SPTBN2: variants seen among roughly 807,000 people sequenced by gnomAD.
SPTBN2 encodes spectrin beta, non-erythrocytic 2.
In SPTBN2, 107 loss-of-function variants were observed where a neutral mutation model predicts 284.2. The observed-to-expected ratio is 0.38, with a 90% confidence interval of 0.32 to 0.44. The LOEUF is 0.44. Ranked by LOEUF, SPTBN2 falls within the 20% of genes least tolerant of loss-of-function variation. The pLI is 1.00. For missense variants in SPTBN2, 2,569 were observed against 3,287.1 expected, an observed-to-expected ratio of 0.78 and a Z score of 5.34; for synonymous variants, 1,289 against 1,354.8, an observed-to-expected ratio of 0.95 and a Z score of 1.07.
chr11:66,738,417 T>C (rs1942870576), intron 1 of SPTBN2, among the ~76,000 whole-genome samples: 1 of 152,194 alleles, frequency 6.6e-6, no homozygotes, highest in African/African-American at 2.4e-5. Context: ...TTTGATCCCA[T>C]AGTCTCTTTC....
Position 66,699,472 on chromosome 11 carries a change from T to G in SPTBN2, c.3710A>C (p.Gln1237Pro). 6.2e-7 allele frequency: 1 copy of G among 1,614,168 alleles called. No homozygotes were observed. The highest frequency in any genetic ancestry group is 8.5e-7 in the Non-Finnish European group (1 of 1,180,040). ...RIHGLLEAGR[Q>P]LVSEGNIHAD... ...GTGGATGTTGCCTTCAGATACCAGC[T>G]GGCGGCCAGCCTCCAGGAGCCCGTG... is the stretch of plus-strand genomic sequence containing the variant. The change falls in exon 18 of 38, where the codon CAG becomes CCG. Residue 1237 changes from glutamine (Q) to proline (P), a missense_variant. Transcript: ENST00000533211.
chr11:66,727,064 A>T (rs1942642886), intron 1 of SPTBN2, among the ~76,000 whole-genome samples: 1 of 152,126 alleles, frequency 6.6e-6, no homozygotes, highest in Non-Finnish European at 1.5e-5. Flanking sequence ...GTTATGGCAG[A>T]TTTATTCAAA....
intron 5 of SPTBN2, among the ~76,000 whole-genome samples, chr11:66,714,889 G>GTTCCCA (rs1373848234): frequency 6.6e-6 from 1 of 152,036 alleles, no homozygotes; most frequent in East Asian, 1.9e-4. Context: ...CCCTCTAGAA[G>GTTCCCA]TTCCCAAATC....
chr11:66,722,730 C>A (rs939310237), intron 1 of SPTBN2, among the ~76,000 whole-genome samples: 2 of 151,472 alleles, frequency 1.3e-5, no homozygotes, highest in African/African-American at 4.9e-5. Context: ...TCCATCTCTA[C>A]TAAAAATACA....
In SPTBN2 at chr11:66,710,563, G is replaced by A; in HGVS notation, c.1073+19C>T. Reference sequence around the variant, plus strand: ...TGGGAGCACAGCTCAGGGAAGGGTGGGGCCCCAGGGACACCTACTTGGGCG... The same window carrying A: ...TGGGAGCACAGCTCAGGGAAGGGTGAGGCCCCAGGGACACCTACTTGGGCG... On this transcript the variant is annotated intron_variant, in intron 10 of 37. Transcript: ENST00000533211. This position sits in a 1 kb window ranked among gnomAD's most constrained non-coding sequence, Gnocchi z 4.9. The A allele has an allele frequency of 1.9e-6, 3 of 1,611,360 alleles. No individual in the cohort carries two copies. The highest frequency in any genetic ancestry group is 1.1e-5 in the South Asian group (1 of 90,552).
rs1368184135 is a variant in SPTBN2, at chr11:66,704,977, G to A, written c.2299C>T (p.Leu767=). 1 of 1,607,872 alleles carries A rather than the reference G, an allele frequency of 6.2e-7. No homozygotes were observed. Among genetic ancestry groups the A allele is most frequent in the East Asian group, 2.2e-5 (1 of 44,882 alleles). ...NDMEAWLVDA[L]RLVSSPELGH... ...AGCTCGGGGCTGGACACCAGGCGCA[G>A]TGCGTCAACCAACCAGGCCTCCATG... Residue 767 remains leucine (L), a synonymous_variant, in exon 15 of 38, where the codon CTG becomes TTG. Coordinates refer to ENST00000533211, the MANE Select transcript of SPTBN2 (RefSeq NM_006946.4).
intron 1 of SPTBN2, among the ~76,000 whole-genome samples, chr11:66,741,637 G>C (rs756242771): frequency 2.0e-5 from 3 of 152,142 alleles, no homozygotes; most frequent in Non-Finnish European, 2.9e-5. Context: ...AATATCGAGA[G>C]CCATACTCAA....
chr11:66,687,035 G>A lies in SPTBN2; in HGVS notation c.6855C>T (p.Val2285=), dbSNP rs920724761. 3.7e-6 allele frequency: 6 copies of A among 1,613,968 alleles called. No homozygotes were observed. Among genetic ancestry groups the A allele is most frequent in the African/African-American group, 2.7e-5 (2 of 74,920 alleles). ...PVSLARAQGS[V]AFDYRKRKHV... ...GTTTGCGCTTTCGGTAATCAAAGGC[G>A]ACGCTGCCCTGGGCCCTGGCCAGGC... is the stretch of plus-strand genomic sequence containing the variant. The change falls in exon 36 of 38, where the codon GTC becomes GTT. Residue 2285 remains valine (V), a synonymous_variant. Transcript: ENST00000533211. This position sits in a 1 kb window ranked among gnomAD's most constrained non-coding sequence, Gnocchi z 5.2.
chr11:66,696,598 G>A (rs1940928801), intron 20 of SPTBN2, 58 bp from the exon 21 acceptor site: 2 of 1,602,152 alleles, frequency 1.2e-6, no homozygotes, highest in African/African-American at 1.3e-5. Flanking sequence ...TTTAGAGGCT[G>A]AGAGCAGACC....
At chr11:66,686,667 G>A (rs1301511447) in intron 36 of SPTBN2, 11 of 640,524 alleles carry the variant, frequency 1.7e-5, no homozygotes, top group Middle Eastern at 4.2e-4. Context: ...ACCCCAGCCC[G>A]GGCCTCCTGC....
chr11:66,713,356 G>A (rs1313466934), intron 8 of SPTBN2, among the ~76,000 whole-genome samples: 1 of 151,544 alleles, frequency 6.6e-6, no homozygotes, highest in African/African-American at 2.4e-5. Context: ...TCACTATGTT[G>A]CCCAGGCTGG....
chr11:66,722,788 G>C (rs1423522787), intron 1 of SPTBN2, among the ~76,000 whole-genome samples: 1 of 151,072 alleles, frequency 6.6e-6, no homozygotes, highest in African/African-American at 2.4e-5. Context: ...AGCTACCGGG[G>C]AGGCTGAGAC....
chr11:66,741,922 G>A (rs528715811), intron 1 of SPTBN2, among the ~76,000 whole-genome samples: 9 of 151,942 alleles, frequency 5.9e-5, no homozygotes, highest in Non-Finnish European at 7.4e-5. Context: ...CGAGGGGCTC[G>A]AGATCCTCCC....
rs1942920792 is a variant in SPTBN2, at chr11:66,743,620, G to C, written c.-475+922C>G. Among the ~76,000 whole-genome samples, 2 of 152,194 alleles carry C rather than the reference G, an allele frequency of 1.3e-5. 1 individual carries two copies. The highest frequency in any genetic ancestry group is 4.8e-5 in the African/African-American group (2 of 41,440). On this transcript the variant is annotated intron_variant, in intron 1 of 37. Coordinates refer to the SPTBN2 transcript ENST00000611817. Reference sequence around the variant, plus strand: ...GAACCTGGCAGAGAGCAGCAGCTGGGACTCTGCAGGACCTCCTTATTCCAG... The same window carrying C: ...GAACCTGGCAGAGAGCAGCAGCTGGCACTCTGCAGGACCTCCTTATTCCAG...
At position 66,696,404 on chromosome 11, in the gene SPTBN2, C is replaced by T. The variant is rs577298242; in HGVS notation, c.4151G>A (p.Arg1384Gln). ...AKARSLFDANRAELFAQSCCA... is the reference protein window; with the variant it reads ...AKARSLFDANQAELFAQSCCA... ...GCAGCTCTGGGCAAACAGCTCAGCT[C>T]GGTTGGCATCAAAGAGGCTGCGGGC... The change falls in exon 21 of 38, where the codon CGA becomes CAA. Residue 1384 changes from arginine to glutamine, a missense_variant. Physicochemically the swap from Arg to Gln is conservative, Grantham distance 43. Around this residue, in one of 6 missense-constraint regions of SPTBN2, gnomAD observed 49 missense variants for 92.6 expected, o/e 0.53. Coordinates refer to ENST00000533211, the MANE Select transcript of SPTBN2 (RefSeq NM_006946.4). The T allele has an allele frequency of 2.5e-6, 4 of 1,613,314 alleles. No homozygotes were observed. Among genetic ancestry groups the T allele is most frequent in the Admixed American group, 1.7e-5 (1 of 60,024 alleles).
rs756510588 is a variant in SPTBN2, at chr11:66,692,684, T to C, written c.5042A>G (p.Glu1681Gly). Reference protein sequence around the residue: ...QVDKLYAGLKELAGERRERLQ... With the variant: ...QVDKLYAGLKGLAGERRERLQ... ...GCGCTCCCGCCGCTCTCCAGCCAGCTCCTTCAGGCCGGCATACAGCTTGTC... is the reference window on the plus strand; with the variant it reads ...GCGCTCCCGCCGCTCTCCAGCCAGCCCCTTCAGGCCGGCATACAGCTTGTC... The change falls in exon 26 of 38, where the codon GAG becomes GGG. Residue 1681 changes from glutamate (E) to glycine (G), a missense_variant. Physicochemically the swap from Glu to Gly is moderately conservative, Grantham distance 98. Transcript: ENST00000533211. 4.4e-6 allele frequency: 7 copies of C among 1,605,072 alleles called. No individual in the cohort carries two copies. The highest frequency in any genetic ancestry group is 5.9e-6 in the Non-Finnish European group (7 of 1,179,948).
intron 1 of SPTBN2, among the ~76,000 whole-genome samples, chr11:66,736,107 A>G (rs1054660359): frequency 2.0e-5 from 3 of 152,202 alleles, no homozygotes; most frequent in Non-Finnish European, 4.4e-5. Flanking sequence ...GAGCCAAGAT[A>G]AAGTGCCACA....
intron 36 of SPTBN2, chr11:66,686,712 T>C (rs1466395680): frequency 3.2e-6 from 2 of 630,728 alleles, no homozygotes; most frequent in South Asian, 1.9e-5. Context: ...GACAGGCCCC[T>C]GGAGGTCTTC....
Position 66,705,103 on chromosome 11 carries a change from G to T in SPTBN2, c.2173C>A (p.Leu725Ile). The change falls in exon 15 of 38, where the codon CTC becomes ATC. Residue 725 changes from leucine (L) to isoleucine (I), a missense_variant. By Grantham distance (5) the Leu-to-Ile change is conservative. Around this residue, in one of 6 missense-constraint regions of SPTBN2, gnomAD observed 1,012 missense variants for 1,248.9 expected, o/e 0.81. Coordinates refer to ENST00000533211, the MANE Select transcript of SPTBN2 (RefSeq NM_006946.4). Reference sequence around the variant, plus strand: ...TCTAGCCGCTCCCACTGGGCTTGGAGTTCAGCTGCACGGGCAGAGGCCTGG... The same window carrying T: ...TCTAGCCGCTCCCACTGGGCTTGGATTTCAGCTGCACGGGCAGAGGCCTGG... ...ASQASARAAE[L>I]QAQWERLEAL... The T allele has an allele frequency of 6.4e-7, 1 of 1,561,734 alleles. No individual in the cohort carries two copies. Among genetic ancestry groups the T allele is most frequent in the Non-Finnish European group, 8.6e-7 (1 of 1,159,436 alleles).
Sources: gnomAD v4.1 joint callset for allele counts (sites outside exome capture counted in the v4.1 genomes callset) on GRCh38, gnomAD v4.1.1 for gene constraint, gnomAD v4.1.1 regional missense constraint, Gnocchi (gnomAD v3.1) non-coding constraint, MANE v1.5 for transcripts, NCBI Gene and HGNC (gene_info 2026-07-23, HGNC 2026-07-21) for gene names.